HMBOX1: variants seen among roughly 807,000 people sequenced by gnomAD.
HMBOX1 encodes homeobox containing 1, also known as homeobox-containing protein 1.
Under a neutral mutation model 54.5 loss-of-function variants are expected in HMBOX1, and 14 were observed. The observed-to-expected ratio is 0.26, with a 90% CI of 0.17 to 0.40. The LOEUF is 0.40. Among genes scored for constraint, HMBOX1 ranks in the 10% least tolerant of loss-of-function variants. The pLI, the probability that HMBOX1 is intolerant of heterozygous loss-of-function variation, is 1.00. For missense variants in HMBOX1, 332 were observed against 514.4 expected (o/e 0.65, Z 3.43); for synonymous variants, 160 against 181.0 (o/e 0.88, Z 0.93).
chr8:28,982,729 G>A (rs1415254635), intron 4 of HMBOX1, among the ~76,000 whole-genome samples: 2 of 151,886 alleles, frequency 1.3e-5, no homozygotes, highest in African/African-American at 2.4e-5. Context: ...GGGTTCAAGC[G>A]ATTCTCCTGC....
At position 29,051,218 on chromosome 8, in the gene HMBOX1, C is replaced by G; in HGVS notation, c.*63C>G. On this transcript the variant is annotated 3_prime_UTR_variant, in exon 10 of 10. Coordinates refer to ENST00000287701, the MANE Select transcript of HMBOX1 (RefSeq NM_001135726.3). ...ACGTAGCACCTTAGCAGACTTTCCT[C>G]GGTCCTTAACATGTGTTCTTACAGT... 1.9e-6 allele frequency: 3 copies of G among 1,552,448 alleles called. No homozygotes were observed. The highest frequency in any genetic ancestry group is 2.6e-6 in the Non-Finnish European group (3 of 1,135,120).
chr8:28,932,611 C>G (rs934203927), intron 1 of HMBOX1, among the ~76,000 whole-genome samples: 10 of 152,110 alleles, frequency 6.6e-5, no homozygotes, highest in African/African-American at 2.4e-4. Flanking sequence ...AAGAACAAAA[C>G]CTTTTCATCT....
intron 1 of HMBOX1, among the ~76,000 whole-genome samples, chr8:28,917,102 A>G (rs1251738171): frequency 1.3e-5 from 2 of 151,788 alleles, no homozygotes; most frequent in East Asian, 3.9e-4. Flanking sequence ...CCTTGTTAAT[A>G]TATACCAAAA....
chr8:29,010,665 A>C (rs1444596801), intron 5 of HMBOX1, among the ~76,000 whole-genome samples: 1 of 151,994 alleles, frequency 6.6e-6, no homozygotes, highest in Non-Finnish European at 1.5e-5. Flanking sequence ...CTAAGAATAA[A>C]GATAATCTGT....
intron 1 of HMBOX1, among the ~76,000 whole-genome samples, chr8:28,907,704 C>G (rs1335317166): frequency 1.3e-5 from 2 of 152,100 alleles, no homozygotes; most frequent in Admixed American, 1.3e-4. Context: ...ATTTGCTGAC[C>G]ACCGAATTAT....
At chr8:28,918,145 A>G (rs568508163) in intron 1 of HMBOX1, among the ~76,000 whole-genome samples, 14 of 152,296 alleles carry the variant, frequency 9.2e-5, no homozygotes, top group South Asian at 6.2e-4. Context: ...TGGTTGTGAT[A>G]TTTTTAAACT....
intron 5 of HMBOX1, among the ~76,000 whole-genome samples, chr8:29,016,455 A>C (rs1258148744): frequency 6.6e-6 from 1 of 152,230 alleles, no homozygotes; most frequent in Non-Finnish European, 1.5e-5. Context: ...GGAAATAAAC[A>C]ACTGAGGATG....
At chr8:29,030,963 T>A (rs1029476360) in intron 6 of HMBOX1, among the ~76,000 whole-genome samples, 2 of 152,230 alleles carry the variant, frequency 1.3e-5, no homozygotes, top group South Asian at 4.1e-4. Context: ...ATTGTTCACC[T>A]ACCTTTTTAT....
chr8:28,952,964 A>G lies in HMBOX1; in HGVS notation c.-57-10847A>G, dbSNP rs370232070. Among the ~76,000 whole-genome samples, 31 of 152,370 alleles carry G rather than the reference A, an allele frequency of 2.0e-4. 1 individual carries two copies. The highest frequency in any genetic ancestry group is 7.5e-4 in the African/African-American group (31 of 41,586). On this transcript the variant is annotated intron_variant, in intron 1 of 9. Coordinates refer to ENST00000287701, the MANE Select transcript of HMBOX1 (RefSeq NM_001135726.3). ...TACATTTTGGAGAAAGGTGAAGCCT[A>G]CTATAGCAGAACTACAGTTCTGCTA...
intron 1 of HMBOX1, among the ~76,000 whole-genome samples, chr8:28,951,920 C>A (rs1000369969): frequency 6.6e-6 from 1 of 152,158 alleles, no homozygotes; most frequent in Non-Finnish European, 1.5e-5. Context: ...GTAATCCCAG[C>A]ACTTTAAGAG....
At chr8:28,963,180 C>T (rs1357661698) in intron 1 of HMBOX1, among the ~76,000 whole-genome samples, 2 of 152,012 alleles carry the variant, frequency 1.3e-5, no homozygotes, top group African/African-American at 2.4e-5. Context: ...GTTGGGGTTT[C>T]GCCATGTTGG....
At chr8:29,028,278 GGT>G (rs1802388077) in intron 6 of HMBOX1, among the ~76,000 whole-genome samples, 1 of 152,090 alleles carries the variant, frequency 6.6e-6, no homozygotes, top group African/African-American at 2.4e-5. Flanking sequence ...TTTTAAATTT[GGT>G]GTCACTGCTG....
chr8:29,007,399 A>C (rs963867423), intron 4 of HMBOX1, among the ~76,000 whole-genome samples: 1 of 152,246 alleles, frequency 6.6e-6, no homozygotes, highest in Non-Finnish European at 1.5e-5. Context: ...GCATTTTCTT[A>C]GAAGAGGCAT....
At chr8:28,914,322 G>A (rs1388842168) in intron 1 of HMBOX1, among the ~76,000 whole-genome samples, 3 of 152,042 alleles carry the variant, frequency 2.0e-5, no homozygotes, top group Non-Finnish European at 1.5e-5. Context: ...ATTAGAAAAC[G>A]ATTGGGACTT....
At chr8:28,995,840 C>T (rs970335878) in intron 4 of HMBOX1, among the ~76,000 whole-genome samples, 2 of 152,156 alleles carry the variant, frequency 1.3e-5, no homozygotes, top group Non-Finnish European at 2.9e-5. Context: ...CGGTGGCTCA[C>T]GCCTGTAATC....
intron 1 of HMBOX1, chr8:28,915,598 G>A (rs1480720180): frequency 1.3e-5 from 2 of 149,510 alleles, no homozygotes; most frequent in Admixed American, 6.6e-5. Flanking sequence ...GTCCTGCTCT[G>A]TTGCCCAGGG....
intron 1 of HMBOX1, among the ~76,000 whole-genome samples, chr8:28,893,220 T>G (rs1811389861): frequency 6.6e-6 from 1 of 152,194 alleles, no homozygotes; most frequent in Admixed American, 6.5e-5. Context: ...TCTGTTGCAT[T>G]TTAAGTACTG....
intron 1 of HMBOX1, among the ~76,000 whole-genome samples, chr8:28,954,632 G>A (rs1179432127): frequency 1.3e-5 from 2 of 152,176 alleles, no homozygotes; most frequent in African/African-American, 4.8e-5. Flanking sequence ...GAAGATGGGA[G>A]TATAAACTGG....
At chr8:28,959,700 T>C (rs1825120129) in intron 1 of HMBOX1, among the ~76,000 whole-genome samples, 1 of 152,228 alleles carries the variant, frequency 6.6e-6, no homozygotes, top group Admixed American at 6.5e-5. Context: ...GATTGGAACA[T>C]TTCCTGTATT....
Sources: gnomAD v4.1 joint callset for allele counts (sites outside exome capture counted in the v4.1 genomes callset) on GRCh38, gnomAD v4.1.1 for gene constraint, MANE v1.5 for transcripts, NCBI Gene and HGNC (gene_info 2026-07-23, HGNC 2026-07-21) for gene names.